The following CDH13 variants were observed in gnomAD, a reference collection of about 807,000 sequenced individuals.
CDH13 encodes cadherin-13.
Under a neutral mutation model 63.8 loss-of-function variants are expected in CDH13, and 24 were observed. The observed-to-expected ratio is 0.38, with a 90% CI of 0.27 to 0.53. The LOEUF is 0.53. CDH13 is among the 20% of genes least tolerant of loss of function. The probability of loss-of-function intolerance (pLI) is 0.85; values close to 1 mark genes in which losing one functional copy is unlikely to be tolerated. For missense variants in CDH13, 1,049 were observed against 903.1 expected (o/e 1.16, Z -2.07); for synonymous variants, 503 against 355.3 (o/e 1.42, Z -4.67).
intron 2 of CDH13, among the ~76,000 whole-genome samples, chr16:83,006,052 A>T (rs890592150): frequency 6.6e-6 from 1 of 152,196 alleles, no homozygotes; most frequent in East Asian, 1.9e-4. Context: ...ATTACATTTC[A>T]TGTCCTTAAG....
intron 2 of CDH13, among the ~76,000 whole-genome samples, chr16:83,007,460 G>T (rs1913649467): frequency 6.6e-6 from 1 of 152,184 alleles, no homozygotes; most frequent in African/African-American, 2.4e-5. Context: ...TCTGAGCTCT[G>T]ATTCCAGAGT....
At chr16:83,259,842 A>G (rs1437316120) in intron 5 of CDH13, among the ~76,000 whole-genome samples, 1 of 152,148 alleles carries the variant, frequency 6.6e-6, no homozygotes, top group South Asian at 2.1e-4. Context: ...ACCATGAACC[A>G]CAGCACCCCT....
chr16:82,749,086 G>A (rs887770184), intron 1 of CDH13, among the ~76,000 whole-genome samples: 4 of 151,812 alleles, frequency 2.6e-5, no homozygotes, highest in African/African-American at 9.7e-5. Flanking sequence ...GGAATTGTGG[G>A]GTCCAATTTT....
At chr16:83,049,323 C>G (rs2030011038) in intron 3 of CDH13, among the ~76,000 whole-genome samples, 4 of 68,988 alleles carry the variant, frequency 5.8e-5, no homozygotes, top group Non-Finnish European at 1.2e-4. Flanking sequence ...TATGACTGGC[C>G]TCTTTTTTTT....
intron 10 of CDH13, among the ~76,000 whole-genome samples, chr16:83,711,805 C>A (rs1420202668): frequency 3.3e-5 from 5 of 152,356 alleles, no homozygotes; most frequent in Admixed American, 2.0e-4. Context: ...CGTGAGCCAC[C>A]ACACCCAGCT....
intron 5 of CDH13, among the ~76,000 whole-genome samples, chr16:83,260,143 C>CACACAT (rs1555521066): frequency 6.7e-6 from 1 of 148,196 alleles, no homozygotes; most frequent in Admixed American, 6.8e-5. Context: ...CACACACACA[C>CACACAT]GCTCTCTCAA....
chr16:82,659,739 A>C (rs1018546093), intron 1 of CDH13, among the ~76,000 whole-genome samples: 4 of 152,124 alleles, frequency 2.6e-5, no homozygotes, highest in Admixed American at 2.0e-4. Flanking sequence ...GGAAATTCTG[A>C]ACGTTAAATA....
intron 1 of CDH13, among the ~76,000 whole-genome samples, chr16:82,629,755 G>A (rs754000097): frequency 2.3e-4 from 35 of 152,302 alleles, no homozygotes; most frequent in African/African-American, 5.8e-4. Flanking sequence ...AGCTGGCACC[G>A]TTGAACAGTC....
chr16:83,629,920 C>G (rs1037075303), intron 8 of CDH13, among the ~76,000 whole-genome samples: 1 of 152,228 alleles, frequency 6.6e-6, no homozygotes, highest in Non-Finnish European at 1.5e-5. Flanking sequence ...ATGGGACAGT[C>G]TAGAACCATC....
intron 1 of CDH13, among the ~76,000 whole-genome samples, chr16:82,684,691 G>C (rs964407989): frequency 4.6e-5 from 7 of 151,992 alleles, no homozygotes; most frequent in Admixed American, 6.6e-5. Context: ...AATTGCTTTT[G>C]ATCCTTTTTC....
chr16:82,662,671 A>G (rs1300379624), intron 1 of CDH13, among the ~76,000 whole-genome samples: 2 of 152,018 alleles, frequency 1.3e-5, no homozygotes, highest in African/African-American at 2.4e-5. Flanking sequence ...TATTCATAGG[A>G]CCTCTCACTA....
At chr16:83,018,485 C>T (rs1004625771) in intron 2 of CDH13, among the ~76,000 whole-genome samples, 1 of 152,112 alleles carries the variant, frequency 6.6e-6, no homozygotes, top group Non-Finnish European at 1.5e-5. Flanking sequence ...GAATTGCTTC[C>T]ACAATATTCC....
chr16:82,739,074 A>G (rs1442123152), intron 1 of CDH13, among the ~76,000 whole-genome samples: 1 of 152,220 alleles, frequency 6.6e-6, no homozygotes, highest in Non-Finnish European at 1.5e-5. Context: ...ACCCCTGGGA[A>G]CTGTGCCCTG....
At chr16:83,552,099 G>A (rs1380314618) in intron 7 of CDH13, among the ~76,000 whole-genome samples, 1 of 152,214 alleles carries the variant, frequency 6.6e-6, no homozygotes, top group Admixed American at 6.5e-5. Flanking sequence ...CCCACCTTGG[G>A]ATAAATGATA....
At position 83,010,154 on chromosome 16, in the gene CDH13, A is replaced by AAG. The variant is rs1555561344; in HGVS notation, c.158-21855_158-21854insGA. ...CTGTCTCAAAAAAAAAAAAAAAAAAAAAAAAAAACAAGAATGGCTCAGGTA... is the reference window on the plus strand; with the variant it reads ...CTGTCTCAAAAAAAAAAAAAAAAAAAAGAAAAAAAACAAGAATGGCTCAGGTA... On this transcript the variant is annotated intron_variant, in intron 2 of 13. Coordinates refer to ENST00000567109, the MANE Select transcript of CDH13 (RefSeq NM_001257.5). Among the ~76,000 whole-genome samples the AAG allele has an allele frequency of 3.1e-3, 451 of 147,672 alleles. 13 individuals carry two copies. The highest frequency in any genetic ancestry group is 0.011 in the African/African-American group (429 of 40,204).
At chr16:83,527,427 C>A (rs4439751) in intron 7 of CDH13, among the ~76,000 whole-genome samples, 2 of 151,002 alleles carry the variant, frequency 1.3e-5, no homozygotes. Flanking sequence ...CCAGCCTGGG[C>A]GACAAAGCGA....
chr16:83,691,862 T>C (rs1461096111), intron 10 of CDH13, among the ~76,000 whole-genome samples: 1 of 152,162 alleles, frequency 6.6e-6, no homozygotes, highest in African/African-American at 2.4e-5. Context: ...AAGGTTACGA[T>C]ATAGTAGCTG....
In CDH13 at chr16:83,399,550, G is replaced by C. The variant is rs1449779651; in HGVS notation, c.781+54544G>C. 6.6e-5 allele frequency among the ~76,000 whole-genome samples: 10 copies of C among 152,244 alleles called. No individual in the cohort carries two copies. In the East Asian group the frequency reaches 1.4e-3, roughly 21 times the overall value. On this transcript the variant is annotated intron_variant, in intron 6 of 13. Coordinates refer to ENST00000567109, the MANE Select transcript of CDH13 (RefSeq NM_001257.5). ...TGTGACCTTGACGATCTTTCATTGA[G>C]ATATGGGGACTTTGTCTCATCCTCT...
intron 7 of CDH13, among the ~76,000 whole-genome samples, chr16:83,507,038 C>T (rs571134031): frequency 9.5e-4 from 144 of 152,306 alleles, no homozygotes; most frequent in African/African-American, 3.2e-3. Flanking sequence ...TTTTATTCAG[C>T]ATTAGATAAC....
Sources: allele counts gnomAD v4.1 joint callset (sites outside exome capture counted in the v4.1 genomes callset), GRCh38; gene constraint gnomAD v4.1.1; transcripts MANE v1.5; gene names NCBI Gene and HGNC (gene_info 2026-07-23, HGNC 2026-07-21).